Variants in DIAPH2 observed in about 807,000 individuals in gnomAD.
DIAPH2 encodes protein diaphanous homolog 2.
Under a neutral mutation model 92.7 loss-of-function variants are expected in DIAPH2, and 35 were observed. That is an observed-to-expected ratio of 0.38 (90% confidence interval 0.29 to 0.50). The LOEUF is 0.50. Among genes scored for constraint, DIAPH2 ranks in the 20% least tolerant of loss-of-function variants. The pLI, the probability that DIAPH2 is intolerant of heterozygous loss-of-function variation, is 0.94. For missense variants in DIAPH2, 701 were observed against 819.5 expected, an observed-to-expected ratio of 0.86 and a Z score of 1.77; for synonymous variants, 301 against 280.4, an observed-to-expected ratio of 1.07 and a Z score of -0.73.
chrX:97,394,251 G>A (rs762161448), intron 25 of DIAPH2, among the ~76,000 whole-genome samples: 8 of 111,399 alleles, frequency 7.2e-5, no homozygotes, highest in African/African-American at 2.3e-4. Flanking sequence ...AGGCAATATC[G>A]GTACTATCGT....
At position 96,793,932 on chromosome X, in the gene DIAPH2, A is replaced by C. The variant is rs907296205; in HGVS notation, c.447+35674A>C. Among the ~76,000 whole-genome samples the C allele has an allele frequency of 7.1e-5, 8 of 112,239 alleles. No homozygotes were observed. The East Asian group carries it at 2.2e-3, about 31-fold the overall frequency. ...GACAGCTAGTAAGGTAGAAAGACAG[A>C]CAATGTGTTGTTCATTTATGTATCT... On this transcript the variant is annotated intron_variant, in intron 4 of 26. Coordinates refer to ENST00000324765, the MANE Select transcript of DIAPH2 (RefSeq NM_006729.5).
At chrX:97,148,802 T>C (rs2067264393) in intron 22 of DIAPH2, among the ~76,000 whole-genome samples, 1 of 112,128 alleles carries the variant, frequency 8.9e-6, no homozygotes, top group Non-Finnish European at 1.9e-5. Context: ...TACTGTTCAC[T>C]GTAAATTTGA....
intron 26 of DIAPH2, among the ~76,000 whole-genome samples, chrX:97,567,947 T>C (rs1307731383): frequency 9.2e-6 from 1 of 108,205 alleles, no homozygotes; most frequent in Non-Finnish European, 1.9e-5. Flanking sequence ...AAACCCCATC[T>C]CTACTAAAAA....
chrX:97,458,235 A>C (rs182046031), intron 26 of DIAPH2, among the ~76,000 whole-genome samples: 1 of 106,562 alleles, frequency 9.4e-6, no homozygotes, highest in Admixed American at 1.0e-4. Flanking sequence ...CTTTTCATCT[A>C]TCTCTCCTTT....
chrX:97,350,848 T>C (rs748775107), intron 24 of DIAPH2, among the ~76,000 whole-genome samples: 1 of 112,534 alleles, frequency 8.9e-6, no homozygotes, highest in African/African-American at 3.2e-5. Flanking sequence ...ACTGCACATG[T>C]AGCTTGAGTA....
chrX:97,224,661 T>C (rs1166718629), intron 22 of DIAPH2, among the ~76,000 whole-genome samples: 1 of 112,088 alleles, frequency 8.9e-6, no homozygotes, highest in African/African-American at 3.2e-5. Flanking sequence ...AGATGTGCTT[T>C]ATTATTAGTA....
chrX:97,414,213 C>G (rs978360877), intron 25 of DIAPH2, among the ~76,000 whole-genome samples: 17 of 111,457 alleles, frequency 1.5e-4, no homozygotes, highest in Admixed American at 5.7e-4. Context: ...GAGAGATAGC[C>G]CAATAGAACA....
chrX:97,560,122 G>C (rs933057494), intron 26 of DIAPH2, among the ~76,000 whole-genome samples: 1 of 111,796 alleles, frequency 8.9e-6, no homozygotes, highest in Non-Finnish European at 1.9e-5. Flanking sequence ...TAGATCCAGA[G>C]ATACAAGTAT....
At chrX:97,230,694 C>T (rs749088161) in intron 22 of DIAPH2, among the ~76,000 whole-genome samples, 3 of 111,519 alleles carry the variant, frequency 2.7e-5, no homozygotes, top group East Asian at 2.8e-4. Context: ...ATGACAGGCG[C>T]GTGCCTCCAC....
chrX:97,431,595 G>A (rs1310829055), intron 26 of DIAPH2: 1 of 112,518 alleles, frequency 8.9e-6, no homozygotes, highest in Non-Finnish European at 1.9e-5. Flanking sequence ...ATCTAAATTG[G>A]GATTTCCTTT....
In DIAPH2 at chrX:96,962,338, C is replaced by T. The variant is rs867787966; in HGVS notation, c.1936-2755C>T. Among the ~76,000 whole-genome samples the T allele has an allele frequency of 4.8e-4, 16 of 33,471 alleles. 1 individual carries two copies. Among genetic ancestry groups the T allele is most frequent in the African/African-American group, 1.3e-3 (14 of 10,778 alleles). The allele number at this position is 33,471 out of a possible 115,157, so 29.1% of individuals were successfully genotyped here. A position where few individuals can be genotyped will look rare whatever the true frequency, so the allele number is the denominator to read the frequency against. On this transcript the variant is annotated intron_variant, in intron 16 of 26. Coordinates refer to ENST00000324765, the MANE Select transcript of DIAPH2 (RefSeq NM_006729.5). ...ATATATATATACACATATATATATA[C>T]ATATATATATATACACATATATATA...
chrX:96,957,993 C>A lies in DIAPH2; in HGVS notation c.1780C>A (p.Pro594Thr). The A allele has an allele frequency of 8.3e-7, 1 of 1,209,497 alleles. No individual in the cohort carries two copies. Among genetic ancestry groups the A allele is most frequent in the Non-Finnish European group, 1.1e-6 (1 of 894,128 alleles). The stretch of plus-strand genomic sequence containing the variant: ...TGGAATGATGGGGATACCACCACCA[C>A]CCCCACCACCACTTTTATTTGGGGG... ...LPGMMGIPPP[P>T]PPPLLFGGPP... The change falls in exon 16 of 27, where the codon CCC becomes ACC. Residue 594 changes from proline (P) to threonine (T), a missense_variant. This residue lies in a region of DIAPH2 where 536 missense variants were observed against 599.3 expected (regional missense o/e 0.89). Transcript: ENST00000324765.
intron 26 of DIAPH2, among the ~76,000 whole-genome samples, chrX:97,542,687 A>AT (rs1329081644): frequency 9.0e-6 from 1 of 111,416 alleles, no homozygotes; most frequent in East Asian, 2.8e-4. Context: ...TATCAGTGAC[A>AT]CCATGGCCAA....
intron 4 of DIAPH2, among the ~76,000 whole-genome samples, chrX:96,810,296 G>T (rs1302603178): frequency 1.2e-4 from 13 of 112,289 alleles, no homozygotes; most frequent in African/African-American, 3.6e-4. Flanking sequence ...TCATGTGTCT[G>T]TTGGCTGCAT....
intron 22 of DIAPH2, among the ~76,000 whole-genome samples, chrX:97,211,768 C>A (rs2067842381): frequency 9.0e-6 from 1 of 111,611 alleles, no homozygotes; most frequent in African/African-American, 3.3e-5. Flanking sequence ...AGCTGCTCTG[C>A]AGTCTAACTC....
chrX:97,154,325 A>G (rs2067306800), intron 22 of DIAPH2, among the ~76,000 whole-genome samples: 1 of 111,711 alleles, frequency 9.0e-6, no homozygotes, highest in African/African-American at 3.3e-5. Context: ...TGTTCTTTCC[A>G]CTATAACATG....
intron 4 of DIAPH2, among the ~76,000 whole-genome samples, chrX:96,765,446 G>T (rs760219779): frequency 2.7e-5 from 3 of 110,719 alleles, no homozygotes; most frequent in Non-Finnish European, 5.7e-5. Flanking sequence ...CGATCCGCCT[G>T]CCCTGGCCTC....
At chrX:96,741,830 T>G (rs1438920851) in intron 3 of DIAPH2, among the ~76,000 whole-genome samples, 1 of 111,703 alleles carries the variant, frequency 9.0e-6, no homozygotes, top group Non-Finnish European at 1.9e-5. Flanking sequence ...AGTTGATTAT[T>G]CTCTCCAATT....
At chrX:97,166,317 C>CTT (rs1411587575) in intron 22 of DIAPH2, among the ~76,000 whole-genome samples, 33 of 111,165 alleles carry the variant, frequency 3.0e-4, no homozygotes, top group Non-Finnish European at 6.0e-4. Context: ...TTGATTAATA[C>CTT]TTTGAATGTC....
Sources: gnomAD v4.1 joint callset for allele counts (sites outside exome capture counted in the v4.1 genomes callset) on GRCh38, gnomAD v4.1.1 for gene constraint, gnomAD v4.1.1 regional missense constraint, MANE v1.5 for transcripts, NCBI Gene and HGNC (gene_info 2026-07-23, HGNC 2026-07-21) for gene names.